MEI4: variants seen among roughly 807,000 people sequenced by gnomAD.
MEI4 encodes meiosis-specific protein MEI4.
Under a neutral mutation model 31.4 loss-of-function variants are expected in MEI4, and 27 were observed. The observed-to-expected ratio is 0.86, with a 90% confidence interval of 0.63 to 1.19. The LOEUF (loss-of-function observed/expected upper bound fraction) is 1.19, where lower values mean the gene tolerates loss of function less well. Ranked by LOEUF, MEI4 falls within the 50% of genes most tolerant of loss-of-function variation. The pLI, the probability that MEI4 is intolerant of heterozygous loss-of-function variation, is 0.00. For missense variants in MEI4, 329 were observed against 398.9 expected, an observed-to-expected ratio of 0.82 and a Z score of 1.49; for synonymous variants, 122 against 145.4, an observed-to-expected ratio of 0.84 and a Z score of 1.16.
At chr6:77,809,527 A>T (rs1769521303) in intron 3 of MEI4, among the ~76,000 whole-genome samples, 1 of 152,182 alleles carries the variant, frequency 6.6e-6, no homozygotes, top group Admixed American at 6.6e-5. Context: ...GAATTCTTTC[A>T]CTTCTGTTCA....
intron 4 of MEI4, among the ~76,000 whole-genome samples, chr6:77,908,854 T>C (rs961454869): frequency 1.3e-5 from 2 of 151,942 alleles, no homozygotes; most frequent in African/African-American, 4.8e-5. Context: ...ATAAAACAAG[T>C]CCTTAGATAC....
At chr6:77,795,519 G>T (rs557778566) in intron 3 of MEI4, among the ~76,000 whole-genome samples, 11 of 150,786 alleles carry the variant, frequency 7.3e-5, no homozygotes. Context: ...TTTTGAAAAG[G>T]TAAACAAAAT....
At chr6:77,667,750 T>C (rs1768665327) in intron 1 of MEI4, among the ~76,000 whole-genome samples, 1 of 151,958 alleles carries the variant, frequency 6.6e-6, no homozygotes, top group South Asian at 2.1e-4. Flanking sequence ...AAGGAGAACC[T>C]GTAGGCAGGA....
chr6:77,743,687 A>G (rs1453565804), intron 2 of MEI4, among the ~76,000 whole-genome samples: 2 of 151,988 alleles, frequency 1.3e-5, no homozygotes, highest in African/African-American at 2.4e-5. Flanking sequence ...CTGACCCCTG[A>G]CCCCCGAGCA....
intron 2 of MEI4, among the ~76,000 whole-genome samples, chr6:77,743,675 C>T (rs1268815672): frequency 6.6e-6 from 1 of 150,892 alleles, no homozygotes; most frequent in Non-Finnish European, 1.5e-5. Context: ...TCAAGTGGGT[C>T]CCTGACCCCT....
chr6:77,692,406 C>T (rs1769174017), intron 2 of MEI4, among the ~76,000 whole-genome samples: 1 of 152,090 alleles, frequency 6.6e-6, no homozygotes, highest in Admixed American at 6.6e-5. Flanking sequence ...ACTTGTTGCC[C>T]AGCTCAAAGC....
At chr6:77,734,638 T>A (rs1236623107) in intron 2 of MEI4, among the ~76,000 whole-genome samples, 1 of 152,068 alleles carries the variant, frequency 6.6e-6, no homozygotes, top group African/African-American at 2.4e-5. Flanking sequence ...TCCATTTACA[T>A]TTAAAGTTAA....
At chr6:77,716,214 AATCAG>A (rs1191855506) in intron 2 of MEI4, among the ~76,000 whole-genome samples, 2 of 152,174 alleles carry the variant, frequency 1.3e-5, no homozygotes, top group Non-Finnish European at 2.9e-5. Context: ...ATTACAGGGG[AATCAG>A]ATCAGATATA....
chr6:77,710,648 G>T (rs1432649550), intron 2 of MEI4, among the ~76,000 whole-genome samples: 2 of 149,054 alleles, frequency 1.3e-5, no homozygotes, highest in African/African-American at 2.5e-5. Context: ...TGCCTCTTTT[G>T]TATTGGTAGA....
chr6:77,794,267 A>G (rs187057217), intron 3 of MEI4, among the ~76,000 whole-genome samples: 1 of 152,332 alleles, frequency 6.6e-6, no homozygotes, highest in Admixed American at 6.5e-5. Context: ...GTTAACATTT[A>G]ATAATCTAAC....
intron 2 of MEI4, among the ~76,000 whole-genome samples, chr6:77,756,492 A>G (rs1767921254): frequency 6.6e-6 from 1 of 152,166 alleles, no homozygotes; most frequent in Non-Finnish European, 1.5e-5. Flanking sequence ...GTTATGGGTT[A>G]TAAAAGTTAT....
chr6:77,913,286 T>C (rs1324198377), intron 4 of MEI4, among the ~76,000 whole-genome samples: 1 of 152,190 alleles, frequency 6.6e-6, no homozygotes, highest in African/African-American at 2.4e-5. Flanking sequence ...GGTAGTAGGG[T>C]AATAACTGGT....
rs182509798 is a variant in MEI4 at position 77,803,940 on chromosome 6, G to A, written c.769-24991G>A. ...GGTCAGGGACCCACTTGAGGAGGCC[G>A]TCTGTCCATTCTCAGATCTCCAGTT... On this transcript the variant is annotated intron_variant, in intron 3 of 4. Coordinates refer to ENST00000684080, the MANE Select transcript of MEI4 (RefSeq NM_001322247.2). 3.9e-5 allele frequency among the ~76,000 whole-genome samples: 6 copies of A among 152,302 alleles called. No homozygotes were observed. In the East Asian group the frequency reaches 7.7e-4, roughly 20 times the overall value.
At chr6:77,891,638 C>T (rs185931990) in intron 4 of MEI4, among the ~76,000 whole-genome samples, 1 of 151,882 alleles carries the variant, frequency 6.6e-6, no homozygotes, top group Non-Finnish European at 1.5e-5. Flanking sequence ...TTGTTGGGAT[C>T]ATTTAACGAA....
chr6:77,680,779 GAGA>G (rs1768942270), intron 1 of MEI4, among the ~76,000 whole-genome samples: 2 of 152,296 alleles, frequency 1.3e-5, no homozygotes, highest in South Asian at 4.1e-4. Context: ...GGAGCCCTGA[GAGA>G]AGAAGCCATG....
chr6:77,794,455 C>A (rs9361286), intron 3 of MEI4, among the ~76,000 whole-genome samples: 22,609 of 151,782 alleles, frequency 0.15, 2,040 homozygotes, highest in East Asian at 0.39. Context: ...CCCAGCTACT[C>A]GGGAGGGTGA....
At chr6:77,812,457 T>G (rs935851478) in intron 3 of MEI4, among the ~76,000 whole-genome samples, 3 of 152,098 alleles carry the variant, frequency 2.0e-5, no homozygotes, top group Non-Finnish European at 4.4e-5. Context: ...TAGAAGGTTT[T>G]GAAAGAGAAA....
chr6:77,877,890 C>G (rs1402904827), intron 4 of MEI4, among the ~76,000 whole-genome samples: 1 of 151,784 alleles, frequency 6.6e-6, no homozygotes, highest in African/African-American at 2.4e-5. Flanking sequence ...AAAAGATAAT[C>G]CATGGTATGA....
intron 1 of MEI4, among the ~76,000 whole-genome samples, chr6:77,662,365 C>T (rs928465736): frequency 2.6e-5 from 4 of 151,898 alleles, no homozygotes; most frequent in South Asian, 2.1e-4. Flanking sequence ...ATGGGGTGAA[C>T]GTCAGGTGGA....
Sources: allele counts gnomAD v4.1 joint callset (sites outside exome capture counted in the v4.1 genomes callset), GRCh38; gene constraint gnomAD v4.1.1; transcripts MANE v1.5; gene names NCBI Gene and HGNC (gene_info 2026-07-23, HGNC 2026-07-21).